NAV3: variants seen among roughly 807,000 people sequenced by gnomAD.
NAV3 encodes neuron navigator 3.
Under a neutral mutation model 244.7 loss-of-function variants are expected in NAV3, and 87 were observed. That is an observed-to-expected ratio of 0.36 (90% CI 0.30 to 0.42). The LOEUF is 0.42. Among genes scored for constraint, NAV3 ranks in the 20% least tolerant of loss-of-function variants. The pLI is 1.00. For missense variants in NAV3, 2,663 were observed against 2,893.3 expected, an observed-to-expected ratio of 0.92 and a Z score of 1.83; for synonymous variants, 1,126 against 1,042.2, an observed-to-expected ratio of 1.08 and a Z score of -1.55.
rs561872022 is a variant in NAV3 at position 77,707,073 on chromosome 12, CT to C, written c.72+134816del. Among the ~76,000 whole-genome samples, 276 of 149,180 alleles carry C rather than the reference CT, an allele frequency of 1.9e-3. 1 individual carries two copies. The highest frequency in any genetic ancestry group is 3.2e-3 in the Non-Finnish European group (217 of 67,162). On this transcript the variant is annotated intron_variant, in intron 2 of 8. Transcript: ENST00000550042. Reference sequence around the variant, plus strand: ...CTTTTTTTTCTTTCTTTCTTTCTTTCTTTTTTTTTAATTATACTTTAAGTTC... The same window carrying C: ...CTTTTTTTTCTTTCTTTCTTTCTTTCTTTTTTTTAATTATACTTTAAGTTC...
chr12:78,090,580 C>A (rs1376388949), intron 12 of NAV3, among the ~76,000 whole-genome samples: 3 of 151,960 alleles, frequency 2.0e-5, no homozygotes, highest in Admixed American at 1.3e-4. Flanking sequence ...CTAAATAGAA[C>A]CTTATTGCCA....
chr12:77,659,851 A>G (rs1873344121), intron 2 of NAV3, among the ~76,000 whole-genome samples: 1 of 152,072 alleles, frequency 6.6e-6, no homozygotes, highest in African/African-American at 2.4e-5. Context: ...TCAGTAAACT[A>G]TCGCAAGGAC....
At chr12:78,050,460 T>G (rs1328253378) in intron 10 of NAV3, among the ~76,000 whole-genome samples, 1 of 152,204 alleles carries the variant, frequency 6.6e-6, no homozygotes, top group East Asian at 1.9e-4. Flanking sequence ...AACATAATTG[T>G]AGTTAACTTT....
chr12:77,960,975 T>C lies in NAV3; in HGVS notation c.415-5254T>C, dbSNP rs559642584. On this transcript the variant is annotated intron_variant, in intron 3 of 39. Coordinates refer to ENST00000397909, the MANE Select transcript of NAV3 (RefSeq NM_001024383.2). ...GTCTTATGCATGTAATATATGTATATATGTATATGTTACATGTATACGCAT... is the reference window on the plus strand; with the variant it reads ...GTCTTATGCATGTAATATATGTATACATGTATATGTTACATGTATACGCAT... Among the ~76,000 whole-genome samples, 29 of 146,682 alleles carry C rather than the reference T, an allele frequency of 2.0e-4. No individual in the cohort carries two copies. In the South Asian group the frequency reaches 6.1e-3, roughly 31 times the overall value.
At chr12:77,733,080 C>T (rs1877192905) in intron 2 of NAV3, among the ~76,000 whole-genome samples, 1 of 151,814 alleles carries the variant, frequency 6.6e-6, no homozygotes, top group African/African-American at 2.4e-5. Flanking sequence ...TTCCAGAAAG[C>T]ACCTTCTTGC....
intron 12 of NAV3, among the ~76,000 whole-genome samples, chr12:78,081,966 A>T (rs138479819): frequency 1.3e-5 from 2 of 152,202 alleles, no homozygotes; most frequent in East Asian, 3.9e-4. Context: ...CCCCACCCAA[A>T]TCTCATCTTG....
At chr12:77,737,469 T>C (rs1592633433) in intron 2 of NAV3, among the ~76,000 whole-genome samples, 1 of 151,786 alleles carries the variant, frequency 6.6e-6, no homozygotes, top group Admixed American at 6.6e-5. Flanking sequence ...ACTTTTTTCT[T>C]CCAGGGGATA....
chr12:77,634,200 T>A (rs908143659), intron 2 of NAV3, among the ~76,000 whole-genome samples: 2 of 152,074 alleles, frequency 1.3e-5, no homozygotes, highest in Non-Finnish European at 2.9e-5. Context: ...GCTTAACTGG[T>A]CCCTGACATA....
intron 2 of NAV3, among the ~76,000 whole-genome samples, chr12:77,645,517 A>G (rs542153583): frequency 8.5e-4 from 116 of 136,856 alleles, no homozygotes; most frequent in Admixed American, 2.0e-3. Flanking sequence ...TGGGGAATTC[A>G]TGGAGAGCTC....
chr12:78,190,533 G>A (rs1156506888), intron 34 of NAV3, among the ~76,000 whole-genome samples: 1 of 152,022 alleles, frequency 6.6e-6, no homozygotes, highest in Non-Finnish European at 1.5e-5. Context: ...AGAGGTCCGT[G>A]CACAAGCAAC....
intron 6 of NAV3, among the ~76,000 whole-genome samples, 160 bp from the exon 7 acceptor site, chr12:77,998,177 C>A (rs1280138237): frequency 2.0e-5 from 3 of 152,164 alleles, no homozygotes; most frequent in Non-Finnish European, 4.4e-5. Flanking sequence ...TGAAGATCTG[C>A]AACATTGTGC....
Position 77,663,767 on chromosome 12 carries a change from C to T in NAV3, c.72+91501C>T, listed in dbSNP as rs1047326464. 1.9e-4 allele frequency among the ~76,000 whole-genome samples: 29 copies of T among 152,094 alleles called. 1 individual carries two copies. The highest frequency in any genetic ancestry group is 1.9e-4 in the East Asian group (1 of 5,174). On this transcript the variant is annotated intron_variant, in intron 2 of 8. Transcript: ENST00000550042. ...AACTCCTGATCTCAGGTAATTCGCC[C>T]GCCTTGGCCTTTCAAAGTGCTGGGA...
chr12:78,153,533 T>C (rs1035624527), intron 22 of NAV3, among the ~76,000 whole-genome samples: 1 of 152,088 alleles, frequency 6.6e-6, no homozygotes, highest in African/African-American at 2.4e-5. Flanking sequence ...ATAAGCCAGA[T>C]AGCCTCTGGC....
intron 12 of NAV3, among the ~76,000 whole-genome samples, chr12:78,095,794 T>C (rs144815438): frequency 3.3e-5 from 5 of 152,310 alleles, no homozygotes; most frequent in Non-Finnish European, 2.9e-5. Context: ...GTTTCCATGA[T>C]AGTACTCAGA....
intron 2 of NAV3, among the ~76,000 whole-genome samples, chr12:77,685,969 A>G (rs79944927): frequency 0.031 from 4,719 of 152,218 alleles, 158 homozygotes; most frequent in Middle Eastern, 0.037. Flanking sequence ...TCTCTTTAAC[A>G]TTGTCAACAG....
intron 2 of NAV3, among the ~76,000 whole-genome samples, chr12:77,686,447 T>TA (rs748735585): frequency 1.9e-5 from 2 of 103,674 alleles, no homozygotes; most frequent in Non-Finnish European, 4.1e-5. Context: ...TTTTTTTTTT[T>TA]AAAAACAGAG....
intron 2 of NAV3, among the ~76,000 whole-genome samples, chr12:77,601,753 G>A (rs74886250): frequency 0.23 from 35,613 of 151,906 alleles, 4,290 homozygotes; most frequent in Admixed American, 0.28. Context: ...AATAGACTGT[G>A]TCTTGAGGGG....
chr12:77,941,040 C>T (rs749984887), intron 2 of NAV3, 41 bp from the exon 3 acceptor site: 23 of 1,278,898 alleles, frequency 1.8e-5, no homozygotes, highest in Non-Finnish European at 2.5e-5. Flanking sequence ...TTAAGCATGT[C>T]GTTCTTTTTT....
chr12:77,634,297 A>G (rs1284590611), intron 2 of NAV3, among the ~76,000 whole-genome samples: 2 of 152,130 alleles, frequency 1.3e-5, no homozygotes, highest in South Asian at 2.1e-4. Context: ...GATCATCCTC[A>G]CCAGCATTCA....
Sources: gnomAD v4.1 joint callset for allele counts (sites outside exome capture counted in the v4.1 genomes callset) on GRCh38, gnomAD v4.1.1 for gene constraint, MANE v1.5 for transcripts, NCBI Gene and HGNC (gene_info 2026-07-23, HGNC 2026-07-21) for gene names.